Variants in BNC2 observed in about 807,000 individuals in gnomAD.
BNC2 encodes basonuclin zinc finger protein 2.
A neutral mutation model predicts 76.3 loss-of-function variants in BNC2; 20 were observed. The observed-to-expected ratio is 0.26, with a 90% CI of 0.18 to 0.38. The LOEUF (loss-of-function observed/expected upper bound fraction) is 0.38, where lower values mean the gene tolerates loss of function less well. Ranked by LOEUF, BNC2 falls within the 10% of genes least tolerant of loss-of-function variation. The pLI, the probability that BNC2 is intolerant of heterozygous loss-of-function variation, is 1.00. For missense variants in BNC2, 1,382 were observed against 1,399.8 expected, an observed-to-expected ratio of 0.99 and a Z score of 0.20; for synonymous variants, 582 against 514.8, an observed-to-expected ratio of 1.13 and a Z score of -1.77.
chr9:16,705,789 A>C (rs1823651516), intron 3 of BNC2, among the ~76,000 whole-genome samples: 1 of 152,224 alleles, frequency 6.6e-6, no homozygotes, highest in South Asian at 2.1e-4. Context: ...CAGTTCTTTC[A>C]CATTTAAGTG....
At chr9:16,727,591 TTTTTC>T (rs1293969809) in intron 3 of BNC2, 1 of 569,326 alleles carries the variant, frequency 1.8e-6, no homozygotes, top group Non-Finnish European at 3.1e-6. Context: ...TCCTTTCCCC[TTTTTC>T]TTTTAAGACG....
At chr9:16,547,434 A>G (rs1818519886) in intron 5 of BNC2, among the ~76,000 whole-genome samples, 1 of 152,250 alleles carries the variant, frequency 6.6e-6, no homozygotes, top group South Asian at 2.1e-4. Context: ...TACCAAGCTA[A>G]ACAGGTTTCC....
At chr9:16,480,956 A>C (rs1822040093) in intron 5 of BNC2, among the ~76,000 whole-genome samples, 1 of 152,204 alleles carries the variant, frequency 6.6e-6, no homozygotes, top group African/African-American at 2.4e-5. Context: ...CACTGGGTGA[A>C]GCCAGCTGGG....
intron 3 of BNC2, among the ~76,000 whole-genome samples, chr9:16,621,858 A>G (rs918226540): frequency 6.6e-6 from 1 of 152,220 alleles, no homozygotes; most frequent in Non-Finnish European, 1.5e-5. Flanking sequence ...TATATTTTTT[A>G]TATTTATTAT....
At chr9:16,434,865 G>A (rs969517087) in intron 6 of BNC2, 8 of 458,878 alleles carry the variant, frequency 1.7e-5, no homozygotes, top group Non-Finnish European at 3.5e-5. Context: ...GTTTAGAGAT[G>A]TGCTCAAAGA....
At chr9:16,621,190 A>G (rs1040878793) in intron 3 of BNC2, among the ~76,000 whole-genome samples, 1 of 152,098 alleles carries the variant, frequency 6.6e-6, no homozygotes, top group African/African-American at 2.4e-5. Flanking sequence ...GGATCTGGAG[A>G]GCAGACAGAG....
chr9:16,685,739 G>C, intron 3 of BNC2: 1 of 552,236 alleles, frequency 1.8e-6, no homozygotes, highest in Non-Finnish European at 3.2e-6. Context: ...GTCTCTAACA[G>C]GTCATCATGG....
In BNC2 at chr9:16,462,364, T is replaced by C. The variant is rs146090291; in HGVS notation, c.670-24840A>G. On this transcript the variant is annotated intron_variant, in intron 5 of 6. Coordinates refer to ENST00000380672, the MANE Select transcript of BNC2 (RefSeq NM_017637.6). Reference sequence around the variant, plus strand: ...CCTGAGATTCTGCCCCCAACTTTTATATTGAGATAAAGCACCTATGCCTAT... The same window carrying C: ...CCTGAGATTCTGCCCCCAACTTTTACATTGAGATAAAGCACCTATGCCTAT... Among the ~76,000 whole-genome samples, 220 of 152,290 alleles carry C rather than the reference T, an allele frequency of 1.4e-3. 3 individuals are homozygous for C. Among genetic ancestry groups the C allele is most frequent in the African/African-American group, 5.1e-3 (213 of 41,562 alleles).
intron 5 of BNC2, among the ~76,000 whole-genome samples, chr9:16,494,005 G>A (rs1007990651): frequency 3.3e-5 from 5 of 152,108 alleles, no homozygotes; most frequent in African/African-American, 1.2e-4. Flanking sequence ...AATAGGTCTT[G>A]ACCATATGCT....
intron 1 of BNC2, among the ~76,000 whole-genome samples, chr9:16,765,439 C>G (rs563379261): frequency 6.6e-6 from 1 of 152,214 alleles, no homozygotes; most frequent in East Asian, 1.9e-4. Context: ...AACAATATTA[C>G]TCAATATTAT....
chr9:16,634,913 A>G (rs572641253), intron 3 of BNC2, among the ~76,000 whole-genome samples: 2 of 152,210 alleles, frequency 1.3e-5, no homozygotes, highest in Admixed American at 6.5e-5. Flanking sequence ...ATCCAACCCA[A>G]TAACACCAGC....
At chr9:16,651,185 C>T (rs76148101) in intron 3 of BNC2, among the ~76,000 whole-genome samples, 9 of 152,240 alleles carry the variant, frequency 5.9e-5, no homozygotes, top group Admixed American at 2.0e-4. Flanking sequence ...GAGACCGTTA[C>T]GATGTTGTAA....
intron 3 of BNC2, among the ~76,000 whole-genome samples, chr9:16,710,272 CA>C (rs1823798512): frequency 6.6e-6 from 1 of 151,844 alleles, no homozygotes; most frequent in East Asian, 1.9e-4. Flanking sequence ...AGACAGAAAA[CA>C]AACATTCTTT....
intron 1 of BNC2, among the ~76,000 whole-genome samples, chr9:16,741,866 G>A (rs1028823093): frequency 1.4e-5 from 2 of 145,154 alleles, no homozygotes; most frequent in African/African-American, 5.1e-5. Context: ...GCTGAGGCAC[G>A]AGAATCGCTT....
At chr9:16,781,459 C>A (rs952526071) in intron 1 of BNC2, among the ~76,000 whole-genome samples, 18 of 152,310 alleles carry the variant, frequency 1.2e-4, no homozygotes, top group African/African-American at 4.3e-4. Flanking sequence ...TCTCCTGCCT[C>A]AGCCACCCGA....
At chr9:16,864,007 T>C (rs1025470377) in intron 1 of BNC2, among the ~76,000 whole-genome samples, 9 of 152,202 alleles carry the variant, frequency 5.9e-5, no homozygotes, top group African/African-American at 1.9e-4. Flanking sequence ...TTCAGAATTC[T>C]TAAAAAGGTA....
At chr9:16,594,237 C>T (rs924237698) in intron 3 of BNC2, among the ~76,000 whole-genome samples, 2 of 152,092 alleles carry the variant, frequency 1.3e-5, no homozygotes, top group Non-Finnish European at 2.9e-5. Context: ...AAAGAACAAT[C>T]GATTTGCATG....
rs1820795790 is a variant in BNC2 at position 16,425,888 on chromosome 9, A to G, written c.2640-6239T>C. Among the ~76,000 whole-genome samples the G allele has an allele frequency of 2.0e-5, 3 of 152,360 alleles. No individual in the cohort carries two copies. The South Asian group carries it at 6.2e-4, about 32-fold the overall frequency. On this transcript the variant is annotated intron_variant, in intron 6 of 6. Coordinates refer to ENST00000380672, the MANE Select transcript of BNC2 (RefSeq NM_017637.6). The stretch of plus-strand genomic sequence containing the variant: ...ATGGAAAATGTGTAGCTGGATGCAC[A>G]GGTTAAGTGTAGAATTGATATCCAG...
At chr9:16,458,132 G>C (rs1011196614) in intron 5 of BNC2, among the ~76,000 whole-genome samples, 1 of 151,634 alleles carries the variant, frequency 6.6e-6, no homozygotes, top group South Asian at 2.1e-4. Flanking sequence ...TGAAAACATA[G>C]TCAGTCCTAA....
Sources: gnomAD v4.1 joint callset for allele counts (sites outside exome capture counted in the v4.1 genomes callset) on GRCh38, gnomAD v4.1.1 for gene constraint, MANE v1.5 for transcripts, NCBI Gene and HGNC (gene_info 2026-07-23, HGNC 2026-07-21) for gene names.